WDR26: variants seen among roughly 807,000 people sequenced by gnomAD.
The protein encoded by WDR26 is WD repeat-containing protein 26.
In WDR26, 5 loss-of-function variants were observed where a neutral mutation model predicts 84.1. That is an observed-to-expected ratio of 0.06 (90% CI 0.03 to 0.13). The LOEUF is 0.13. Among genes scored for constraint, WDR26 ranks in the 10% least tolerant of loss-of-function variants. The pLI, the probability that WDR26 is intolerant of heterozygous loss-of-function variation, is 1.00. For synonymous variants in WDR26, 415 were observed against 389.6 expected (o/e 1.07, Z -0.77); for missense variants, 642 against 974.9 (o/e 0.66, Z 4.55).
intron 7 of WDR26, among the ~76,000 whole-genome samples, chr1:224,408,813 G>A (rs1673654298): frequency 6.6e-6 from 1 of 151,856 alleles, no homozygotes; most frequent in African/African-American, 2.4e-5. Context: ...TATGTATCAT[G>A]CTTATTTCAT....
At chr1:224,417,988 C>T (rs776467812) in intron 6 of WDR26, among the ~76,000 whole-genome samples, 2 of 152,046 alleles carry the variant, frequency 1.3e-5, no homozygotes, top group East Asian at 3.9e-4. Context: ...TAATTTGGGA[C>T]ATAGTTAAAT....
intron 12 of WDR26, among the ~76,000 whole-genome samples, chr1:224,396,439 A>G (rs1673262796): frequency 6.6e-6 from 1 of 152,234 alleles, no homozygotes; most frequent in South Asian, 2.1e-4. Flanking sequence ...AGAAGGCTTA[A>G]CATATTTAGA....
chr1:224,411,172 CAG>C (rs1041190194), intron 7 of WDR26, among the ~76,000 whole-genome samples: 1 of 152,128 alleles, frequency 6.6e-6, no homozygotes, highest in Non-Finnish European at 1.5e-5. Context: ...TAGCACCTCA[CAG>C]AGTTTTTCAG....
intron 6 of WDR26, among the ~76,000 whole-genome samples, chr1:224,416,024 A>C (rs549502740): frequency 6.6e-6 from 1 of 152,346 alleles, no homozygotes; most frequent in South Asian, 2.1e-4. Context: ...AGGAAAAGTA[A>C]GGACAAAGAC....
At chr1:224,404,124 C>T (rs896291894) in intron 8 of WDR26, among the ~76,000 whole-genome samples, 1 of 152,084 alleles carries the variant, frequency 6.6e-6, no homozygotes, top group Non-Finnish European at 1.5e-5. Context: ...GTGTAATGTA[C>T]AATTGTGAAA....
intron 2 of WDR26, 24 bp downstream of exon 2, chr1:224,431,658 A>G: frequency 6.2e-7 from 1 of 1,611,030 alleles, no homozygotes; most frequent in African/African-American, 1.3e-5. Context: ...CAGCAGTCAC[A>G]CAGCTCTATA....
At chr1:224,418,919 G>A (rs576025362) in intron 5 of WDR26, among the ~76,000 whole-genome samples, 2 of 152,152 alleles carry the variant, frequency 1.3e-5, no homozygotes, top group African/African-American at 4.8e-5. Flanking sequence ...TGAATTCAGG[G>A]AGTAACTGGT....
At chr1:224,398,401 A>G (rs907362750) in intron 11 of WDR26, 114 bp downstream of exon 11, 32 of 1,233,394 alleles carry the variant, frequency 2.6e-5, no homozygotes, top group Non-Finnish European at 3.6e-5. Flanking sequence ...ATCACATGCA[A>G]TCAAATTTAA....
Position 224,419,156 on chromosome 1 carries a change from T to C in WDR26, c.1162+362A>G, listed in dbSNP as rs191112672. Among the ~76,000 whole-genome samples the C allele has an allele frequency of 1.6e-4, 25 of 152,318 alleles. No homozygotes were observed. The East Asian group carries it at 4.6e-3, about 28-fold the overall frequency. On this transcript the variant is annotated intron_variant, in intron 5 of 13. Transcript: ENST00000414423. Reference sequence around the variant, plus strand: ...TTGGGGAAGAATAAAACAATTTACCTAAAGAAACCTGGACCTTACTATTGA... The same window carrying C: ...TTGGGGAAGAATAAAACAATTTACCCAAAGAAACCTGGACCTTACTATTGA...
chr1:224,430,696 G>C (rs750326381), intron 3 of WDR26: 4 of 152,092 alleles, frequency 2.6e-5, no homozygotes, highest in Non-Finnish European at 5.9e-5. Context: ...GACAACAAAT[G>C]AATCAGCTAG....
At chr1:224,394,395 AGAT>A (rs2102887137) in intron 12 of WDR26, among the ~76,000 whole-genome samples, 1 of 152,376 alleles carries the variant, frequency 6.6e-6, no homozygotes, top group African/African-American at 2.4e-5. Flanking sequence ...GCAAAAATGA[AGAT>A]GACAGCTAAA....
Position 224,400,990 on chromosome 1 carries a change from C to T in WDR26, c.1679G>A (p.Arg560His), listed in dbSNP as rs1233218533. Residue 560 changes from arginine (R) to histidine (H), a missense_variant, in exon 9 of 14, where the codon CGC becomes CAC. This residue lies in a region of WDR26 where 351 missense variants were observed against 672.8 expected (regional missense o/e 0.52). Coordinates refer to ENST00000414423, the MANE Select transcript of WDR26 (RefSeq NM_001379403.1). ...CCCACGCTGACCTCCAGTCACAAAG[C>T]GCTTCCCATCTGGATTCCAAGCCAC... 2.5e-6 allele frequency: 4 copies of T among 1,614,096 alleles called. No homozygotes were observed. The highest frequency in any genetic ancestry group is 1.7e-5 in the Admixed American group (1 of 60,022).
chr1:224,416,533 C>T (rs934510958), intron 6 of WDR26, among the ~76,000 whole-genome samples: 22 of 152,130 alleles, frequency 1.4e-4, no homozygotes, highest in African/African-American at 5.3e-4. Context: ...GCCTGGACTG[C>T]TTTTCTACAC....
intron 6 of WDR26, among the ~76,000 whole-genome samples, chr1:224,414,493 A>T (rs1195869989): frequency 1.3e-5 from 2 of 152,184 alleles, no homozygotes; most frequent in Non-Finnish European, 2.9e-5. Context: ...AATAATTTTA[A>T]TCAGAATAAT....
At chr1:224,410,696 T>TTC (rs1387969854) in intron 7 of WDR26, among the ~76,000 whole-genome samples, 265 of 143,244 alleles carry the variant, frequency 1.8e-3, no homozygotes, top group Non-Finnish European at 3.0e-3. Context: ...CTTTCTTTCT[T>TTC]TTTTTTTTTT....
chr1:224,419,257 T>TC (rs1338942092), intron 5 of WDR26, among the ~76,000 whole-genome samples: 1 of 152,104 alleles, frequency 6.6e-6, no homozygotes, highest in Non-Finnish European at 1.5e-5. Flanking sequence ...ACAGTACTTT[T>TC]CCCCCAAACA....
chr1:224,386,670 CTCCTT>C lies in WDR26; in HGVS notation c.*3160_*3164del, dbSNP rs1386356217. 6.6e-6 allele frequency: 1 copy of C among 152,158 alleles called. No individual in the cohort carries two copies. Among genetic ancestry groups the C allele is most frequent in the Non-Finnish European group, 1.5e-5 (1 of 67,970 alleles). The allele number at this position is 152,158 out of a possible 1,614,324, so 9.4% of individuals were successfully genotyped here. A position where few individuals can be genotyped will look rare whatever the true frequency, so the allele number is the denominator to read the frequency against. On this transcript the variant is annotated 3_prime_UTR_variant, in exon 14 of 14. Coordinates refer to ENST00000414423, the MANE Select transcript of WDR26 (RefSeq NM_001379403.1). ...AATACTGACAAAATTGGATTTTTTT[CTCCTT>C]TCAATTGCAGGATATTCTGATTATT...
rs1674153989 is a variant in WDR26, at chr1:224,424,430, T to C, written c.1064+88A>G. The C allele has an allele frequency of 2.6e-6, 4 of 1,513,052 alleles. No homozygotes were observed. The African/African-American group carries it at 4.2e-5, about 16-fold the overall frequency. The allele number at this position is 1,513,052 out of a possible 1,614,324, so 93.7% of individuals were successfully genotyped here. On this transcript the variant is annotated intron_variant, in intron 4 of 13. Transcript: ENST00000414423. ...AGACAAATATCTAAGAATTTAGCAA[T>C]AATCAAGATTTTATATTTTGGAAAA...
intron 8 of WDR26, among the ~76,000 whole-genome samples, chr1:224,402,898 G>C (rs1673455008): frequency 6.6e-6 from 1 of 152,096 alleles, no homozygotes; most frequent in Non-Finnish European, 1.5e-5. Flanking sequence ...ATGAGTACTA[G>C]ATATTAGAGA....
Sources: gnomAD v4.1 joint callset for allele counts (sites outside exome capture counted in the v4.1 genomes callset) on GRCh38, gnomAD v4.1.1 for gene constraint, gnomAD v4.1.1 regional missense constraint, MANE v1.5 for transcripts, NCBI Gene and HGNC (gene_info 2026-07-23, HGNC 2026-07-21) for gene names.